Variants in GPHN observed in about 807,000 individuals in gnomAD.
GPHN encodes gephyrin.
A neutral mutation model predicts 95.5 loss-of-function variants in GPHN; 17 were observed. The ratio of observed to expected loss-of-function variants is 0.18; its 90% CI spans 0.12 to 0.27. GPHN has a LOEUF of 0.27. Ranked by LOEUF, GPHN falls within the 10% of genes least tolerant of loss-of-function variation. The probability of loss-of-function intolerance (pLI) is 1.00; values close to 1 mark genes in which losing one functional copy is unlikely to be tolerated. For missense variants in GPHN, 660 were observed against 978.1 expected (o/e 0.67, Z 4.34); for synonymous variants, 320 against 322.5 (o/e 0.99, Z 0.08).
At chr14:66,915,003 A>G (rs1183657869) in intron 5 of GPHN, among the ~76,000 whole-genome samples, 1 of 152,166 alleles carries the variant, frequency 6.6e-6, no homozygotes, top group African/African-American at 2.4e-5. Context: ...GAAATAATGA[A>G]TAGTTTTTCT....
chr14:66,577,258 T>C (rs889700806), intron 1 of GPHN, among the ~76,000 whole-genome samples: 1 of 152,154 alleles, frequency 6.6e-6, no homozygotes, highest in African/African-American at 2.4e-5. Flanking sequence ...TGGAAGGAAC[T>C]GTACAAAGTT....
At chr14:67,410,185 C>T in the GPHN span, among the ~76,000 whole-genome samples, 1 of 152,026 alleles carries the variant, frequency 6.6e-6, no homozygotes, top group Non-Finnish European at 1.5e-5. Flanking sequence ...TGTGGCTCTG[C>T]CCTTAGCCCT....
At chr14:66,523,182 A>C (rs1175123535) in intron 1 of GPHN, among the ~76,000 whole-genome samples, 1 of 152,094 alleles carries the variant, frequency 6.6e-6, no homozygotes, top group Non-Finnish European at 1.5e-5. Flanking sequence ...AGTGTAAATG[A>C]AAATAAATGT....
the GPHN span, among the ~76,000 whole-genome samples, chr14:67,351,219 G>C: frequency 1.3e-5 from 2 of 152,144 alleles, no homozygotes; most frequent in Non-Finnish European, 2.9e-5. Flanking sequence ...AAATAGACTA[G>C]AGGATTCAGA....
chr14:67,576,073 T>A, the GPHN span: 2 of 1,262,430 alleles, frequency 1.6e-6, no homozygotes, highest in Non-Finnish European at 2.2e-6. The surrounding 1 kb of genome is among the most constrained non-coding windows in gnomAD (Gnocchi z 4.0). Flanking sequence ...CTTCTCTCTT[T>A]CTCCTGAGCT....
intron 4 of GPHN, among the ~76,000 whole-genome samples, chr14:66,854,015 T>G (rs137877978): frequency 4.6e-5 from 7 of 152,336 alleles, no homozygotes; most frequent in Admixed American, 3.9e-4. Flanking sequence ...GAGAAACTTT[T>G]AAAAGTACTT....
intron 4 of GPHN, among the ~76,000 whole-genome samples, chr14:66,859,985 G>T (rs1271249941): frequency 6.6e-6 from 1 of 152,024 alleles, no homozygotes; most frequent in Non-Finnish European, 1.5e-5. Flanking sequence ...TAGAAAATAG[G>T]CTCAAAAGGG....
At chr14:67,663,041 G>A in the GPHN span, 1 of 1,425,178 alleles carries the variant, frequency 7.0e-7, no homozygotes, top group East Asian at 2.6e-5. Flanking sequence ...GGCTTGCTGA[G>A]AGGCTGTCTG....
the GPHN span, among the ~76,000 whole-genome samples, chr14:67,619,095 TTTC>T: frequency 6.6e-6 from 1 of 152,210 alleles, no homozygotes; most frequent in African/African-American, 2.4e-5. Context: ...TCTTTGATCT[TTTC>T]TTCGCTTTAA....
At chr14:66,517,925 G>C (rs72724571) in intron 1 of GPHN, among the ~76,000 whole-genome samples, 260 of 151,902 alleles carry the variant, frequency 1.7e-3, no homozygotes, top group Non-Finnish European at 2.1e-3. Context: ...GGCAAAAAAA[G>C]CAAAAATAAA....
chr14:67,147,035 AAAAAC>A (rs1222939109), intron 18 of GPHN, among the ~76,000 whole-genome samples: 2 of 152,314 alleles, frequency 1.3e-5, no homozygotes, highest in Admixed American at 1.3e-4. Flanking sequence ...TCTGTCTCAA[AAAAAC>A]AAAACAAAAC....
chr14:66,824,596 A>G, intron 4 of GPHN, 30 bp downstream of exon 4: 1 of 961,030 alleles, frequency 1.0e-6, no homozygotes, highest in South Asian at 1.3e-5. Context: ...TTCATATTCA[A>G]GGATTAAACT....
At chr14:66,705,099 C>T (rs961393899) in intron 2 of GPHN, among the ~76,000 whole-genome samples, 1 of 152,208 alleles carries the variant, frequency 6.6e-6, no homozygotes, top group African/African-American at 2.4e-5. Flanking sequence ...TGTACACCCT[C>T]CCAAGACTAA....
At chr14:67,625,150 T>C in the GPHN span, among the ~76,000 whole-genome samples, 1 of 150,556 alleles carries the variant, frequency 6.6e-6, no homozygotes, top group African/African-American at 2.4e-5. Flanking sequence ...TAACTGGATA[T>C]CCACATTAAA....
At chr14:66,566,594 C>T (rs1331966439) in intron 1 of GPHN, among the ~76,000 whole-genome samples, 1 of 152,228 alleles carries the variant, frequency 6.6e-6, no homozygotes, top group East Asian at 1.9e-4. Flanking sequence ...ACTTGAGGCT[C>T]CTTGAGGGAC....
intron 2 of GPHN, among the ~76,000 whole-genome samples, chr14:66,766,528 A>G (rs533452124): frequency 6.6e-6 from 1 of 152,194 alleles, no homozygotes; most frequent in African/African-American, 2.4e-5. Context: ...AGAAAATGCC[A>G]CATTGAAATA....
the GPHN span, among the ~76,000 whole-genome samples, chr14:67,452,611 A>G: frequency 6.6e-6 from 1 of 152,184 alleles, no homozygotes; most frequent in Non-Finnish European, 1.5e-5. Context: ...TCCAGGTTTT[A>G]TAGGAAGCAG....
Position 66,922,799 on chromosome 14 carries a change from C to T in GPHN, c.590C>T (p.Pro197Leu). ...PSPPPPLSPP[P>L]TTSPHKQTED... ...CCACCTCCCCCTCTTTCCCCTCCTCCTACTACCAGCCCCCATAAACAGACA... is the reference window on the plus strand; with the variant it reads ...CCACCTCCCCCTCTTTCCCCTCCTCTTACTACCAGCCCCCATAAACAGACA... Residue 197 changes from proline (P) to leucine (L), a missense_variant, in exon 7 of 23, where the codon CCT becomes CTT. Around this residue, in one of 6 missense-constraint regions of GPHN, gnomAD observed 190 missense variants for 224.7 expected, o/e 0.85. Coordinates refer to ENST00000478722, the MANE Select transcript of GPHN (RefSeq NM_020806.5). 1 of 1,613,764 alleles carries T rather than the reference C, an allele frequency of 6.2e-7. No homozygotes were observed. Among genetic ancestry groups the T allele is most frequent in the Admixed American group, 1.7e-5 (1 of 59,998 alleles).
chr14:67,093,203 G>A (rs1259622981), intron 12 of GPHN, among the ~76,000 whole-genome samples: 1 of 151,640 alleles, frequency 6.6e-6, no homozygotes, highest in Non-Finnish European at 1.5e-5. Flanking sequence ...TTTTTTTCTT[G>A]TTTACATTCT....
Sources: gnomAD v4.1 joint callset for allele counts (sites outside exome capture counted in the v4.1 genomes callset) on GRCh38, gnomAD v4.1.1 for gene constraint, gnomAD v4.1.1 regional missense constraint, Gnocchi (gnomAD v3.1) non-coding constraint, MANE v1.5 for transcripts, NCBI Gene and HGNC (gene_info 2026-07-23, HGNC 2026-07-21) for gene names.